DLGAP1: variants seen among roughly 807,000 people sequenced by gnomAD.
DLGAP1 encodes the protein DLG associated protein 1.
DLGAP1 carries 11 observed loss-of-function variants against 90.8 expected under a neutral mutation model. That is an observed-to-expected ratio of 0.12 (90% CI 0.08 to 0.20). The LOEUF (loss-of-function observed/expected upper bound fraction) is 0.20, where lower values mean the gene tolerates loss of function less well. DLGAP1 is among the 10% of genes least tolerant of loss of function. DLGAP1 has a pLI of 1.00. For synonymous variants in DLGAP1, 558 were observed against 540.7 expected (o/e 1.03, Z -0.44); for missense variants, 1,050 against 1,333.8 (o/e 0.79, Z 3.31).
At chr18:3,589,195 G>GA (rs1012882870) in intron 7 of DLGAP1, among the ~76,000 whole-genome samples, 5 of 151,460 alleles carry the variant, frequency 3.3e-5, no homozygotes, top group East Asian at 3.9e-4. Flanking sequence ...CTGAAAAAAA[G>GA]AAAAAAAAGA....
chr18:3,800,193 A>AT (rs1426071096), intron 5 of DLGAP1, among the ~76,000 whole-genome samples: 1 of 152,108 alleles, frequency 6.6e-6, no homozygotes, highest in African/African-American at 2.4e-5. Flanking sequence ...CTTCATTTTC[A>AT]TTTTCTTTAA....
chr18:3,508,071 G>A lies in DLGAP1; in HGVS notation c.2571+499C>T, dbSNP rs1036813969. Among the ~76,000 whole-genome samples the A allele has an allele frequency of 3.3e-5, 5 of 152,186 alleles. 1 individual carries two copies. Among genetic ancestry groups the A allele is most frequent in the Admixed American group, 1.3e-4 (2 of 15,276 alleles). On this transcript the variant is annotated intron_variant, in intron 11 of 12. Transcript: ENST00000315677. ...TTGTTTTTGCATGTCCAAGAAGGAT[G>A]AATTCTTCATTTGTTTCAAGAAGAT...
intron 4 of DLGAP1, among the ~76,000 whole-genome samples, chr18:3,847,315 A>C (rs966018085): frequency 6.6e-6 from 1 of 152,196 alleles, no homozygotes; most frequent in African/African-American, 2.4e-5. Context: ...AGGTTGGGGA[A>C]GAGAAAGGAT....
intron 3 of DLGAP1, among the ~76,000 whole-genome samples, chr18:3,973,913 T>G (rs968819573): frequency 2.0e-5 from 3 of 152,140 alleles, no homozygotes; most frequent in Non-Finnish European, 4.4e-5. Context: ...CTAGACGGCA[T>G]AGCCTACCAC....
chr18:3,499,080 G>C lies in DLGAP1; in HGVS notation c.*105C>G. ...CTACACCGCGACAGTGGAAGTCACCGAGCTCGGGAGCGGACGGGCTCGGAG... is the reference window on the plus strand; with the variant it reads ...CTACACCGCGACAGTGGAAGTCACCCAGCTCGGGAGCGGACGGGCTCGGAG... On this transcript the variant is annotated 3_prime_UTR_variant, in exon 13 of 13. Coordinates refer to ENST00000315677, the MANE Select transcript of DLGAP1 (RefSeq NM_004746.4). The surrounding 1 kb of genome is among the most constrained non-coding windows in gnomAD (Gnocchi z 6.4). The C allele has an allele frequency of 9.2e-7, 1 of 1,083,902 alleles. No individual in the cohort carries two copies. The highest frequency in any genetic ancestry group is 2.9e-5 in the East Asian group (1 of 34,490). 67.1% of individuals were successfully genotyped at this position (1,083,902 alleles called of 1,614,324 possible). A position where few individuals can be genotyped will look rare whatever the true frequency, so the allele number is the denominator to read the frequency against.
intron 3 of DLGAP1, among the ~76,000 whole-genome samples, chr18:4,001,031 A>G (rs1165096029): frequency 6.6e-6 from 1 of 152,026 alleles, no homozygotes; most frequent in African/African-American, 2.4e-5. Flanking sequence ...AGGAACTTCT[A>G]TTATATGTTC....
At chr18:3,520,541 A>G (rs1330073612) in intron 10 of DLGAP1, among the ~76,000 whole-genome samples, 1 of 152,146 alleles carries the variant, frequency 6.6e-6, no homozygotes, top group East Asian at 1.9e-4. Flanking sequence ...CATGGGCCCT[A>G]ATCCACTACG....
chr18:3,623,460 ACAACT>A, intron 7 of DLGAP1, among the ~76,000 whole-genome samples: 1 of 152,160 alleles, frequency 6.6e-6, no homozygotes, highest in Non-Finnish European at 1.5e-5. Flanking sequence ...TCTGCTAATG[ACAACT>A]CTTCTTGAAG....
At chr18:4,145,834 C>T (rs947185850) in intron 2 of DLGAP1, among the ~76,000 whole-genome samples, 1 of 151,966 alleles carries the variant, frequency 6.6e-6, no homozygotes, top group African/African-American at 2.4e-5. Context: ...TTAGTTTCTC[C>T]CCAAGCTAGA....
intron 7 of DLGAP1, among the ~76,000 whole-genome samples, chr18:3,648,025 AT>A (rs1174282474): frequency 1.3e-5 from 2 of 152,236 alleles, no homozygotes; most frequent in Non-Finnish European, 2.9e-5. Flanking sequence ...TAAAAAGGAA[AT>A]TAAATTTGCT....
At chr18:4,088,982 T>A (rs1288150343) in intron 2 of DLGAP1, among the ~76,000 whole-genome samples, 1 of 152,184 alleles carries the variant, frequency 6.6e-6, no homozygotes, top group African/African-American at 2.4e-5. Flanking sequence ...CAATAAAGCG[T>A]ATTTAAATAG....
chr18:3,550,787 G>T (rs1351967333), intron 9 of DLGAP1, among the ~76,000 whole-genome samples: 1 of 139,946 alleles, frequency 7.1e-6, no homozygotes, highest in Non-Finnish European at 1.5e-5. Flanking sequence ...TGTCGCCCAG[G>T]CTGGAGTGCA....
At chr18:3,969,445 C>T (rs929565301) in intron 3 of DLGAP1, among the ~76,000 whole-genome samples, 3 of 152,100 alleles carry the variant, frequency 2.0e-5, no homozygotes, top group Non-Finnish European at 4.4e-5. Context: ...ACACCGCTGA[C>T]CCATTCTAGC....
chr18:4,251,653 C>T (rs2030464), intron 1 of DLGAP1, among the ~76,000 whole-genome samples: 12,729 of 152,128 alleles, frequency 0.084, 857 homozygotes, highest in African/African-American at 0.18. Context: ...GGTACAAATA[C>T]AATTGTATGT....
At chr18:3,619,326 C>T (rs1452906026) in intron 7 of DLGAP1, among the ~76,000 whole-genome samples, 2 of 152,180 alleles carry the variant, frequency 1.3e-5, no homozygotes, top group Non-Finnish European at 2.9e-5. Flanking sequence ...AGCCTTTTAG[C>T]GCAGTTTCTC....
chr18:3,557,756 GTC>G (rs1345559119), intron 9 of DLGAP1, among the ~76,000 whole-genome samples: 1 of 151,996 alleles, frequency 6.6e-6, no homozygotes, highest in Non-Finnish European at 1.5e-5. Context: ...GTGAAACCCT[GTC>G]TCTACTAAAA....
intron 3 of DLGAP1, among the ~76,000 whole-genome samples, chr18:3,914,750 A>G (rs2072106910): frequency 6.6e-6 from 1 of 152,076 alleles, no homozygotes; most frequent in South Asian, 2.1e-4. Flanking sequence ...TTTTGATAAT[A>G]GCCATGTTAT....
rs2074091505 is a variant in DLGAP1, at chr18:3,997,375, G to A, written c.-73+7741C>T. Among the ~76,000 whole-genome samples, 2 of 63,474 alleles carry A rather than the reference G, an allele frequency of 3.2e-5. 1 individual carries two copies. The highest frequency in any genetic ancestry group is 3.7e-4 in the Admixed American group (2 of 5,436). 41.6% of individuals were successfully genotyped at this position (63,474 alleles called of 152,430 possible). ...AAAGTATTTTCTAAAATCTGTCTCC[G>A]TAGAGAAAGATGCCAGCTTGGGTCG... On this transcript the variant is annotated intron_variant, in intron 3 of 12. Transcript: ENST00000315677.
At chr18:4,103,784 T>C (rs1205109820) in intron 2 of DLGAP1, among the ~76,000 whole-genome samples, 2 of 152,166 alleles carry the variant, frequency 1.3e-5, no homozygotes, top group Non-Finnish European at 2.9e-5. Context: ...GTAGGTTTTG[T>C]ATTAAATATT....
Sources: gnomAD v4.1 joint callset for allele counts (sites outside exome capture counted in the v4.1 genomes callset) on GRCh38, gnomAD v4.1.1 for gene constraint, Gnocchi (gnomAD v3.1) non-coding constraint, MANE v1.5 for transcripts, NCBI Gene and HGNC (gene_info 2026-07-23, HGNC 2026-07-21) for gene names.